ORC1: variants seen among roughly 807,000 people sequenced by gnomAD.
ORC1 encodes the protein origin recognition complex, subunit 1 homolog.
ORC1 carries 61 observed loss-of-function variants against 98.9 expected under a neutral mutation model. The observed-to-expected ratio is 0.62, with a 90% CI of 0.50 to 0.76. The LOEUF is 0.76. ORC1 is among the 30% of genes least tolerant of loss of function. ORC1 has a pLI of 0.00. For synonymous variants in ORC1, 385 were observed against 406.9 expected (o/e 0.95, Z 0.65); for missense variants, 979 against 1,072.2 (o/e 0.91, Z 1.21).
At chr1:52,394,333 C>T (rs183233406) in intron 5 of ORC1, among the ~76,000 whole-genome samples, 33 of 152,300 alleles carry the variant, frequency 2.2e-4, no homozygotes, top group Admixed American at 7.8e-4. Flanking sequence ...GCACCAAGGA[C>T]CCCAGCTGCT....
intron 1 of ORC1, among the ~76,000 whole-genome samples, 199 bp from the exon 2 acceptor site, chr1:52,402,427 A>G (rs1225006671): frequency 6.6e-6 from 1 of 152,258 alleles, no homozygotes. Flanking sequence ...GCAATTTAGT[A>G]TCATCTGTGT....
chr1:52,406,930 T>C (rs1648012691), upstream of ORC1, among the ~76,000 whole-genome samples: 1 of 152,252 alleles, frequency 6.6e-6, no homozygotes, highest in Non-Finnish European at 1.5e-5. Context: ...ATTCTGCTTC[T>C]CGTACAAAGA....
At chr1:52,395,977 A>G (rs1647373500) in intron 5 of ORC1, 69 bp downstream of exon 5, 1 of 1,603,212 alleles carries the variant, frequency 6.2e-7, no homozygotes, top group Non-Finnish European at 8.5e-7. Flanking sequence ...ACTTTCCCAT[A>G]AATTATCATT....
intron 13 of ORC1, among the ~76,000 whole-genome samples, chr1:52,382,588 T>G (rs1647086030): frequency 6.7e-6 from 1 of 149,898 alleles, no homozygotes; most frequent in Non-Finnish European, 1.5e-5. Flanking sequence ...TTTTTTTTTT[T>G]TTTTTTTTGA....
At chr1:52,375,370 T>G (rs1187791727) in intron 15 of ORC1, 60 bp downstream of exon 15, 3 of 1,510,516 alleles carry the variant, frequency 2.0e-6, no homozygotes, top group Non-Finnish European at 2.8e-6. Context: ...AGTAAAAGCT[T>G]AGAAAGGGAA....
chr1:52,377,281 G>T (rs1007197124), intron 14 of ORC1, among the ~76,000 whole-genome samples: 6 of 150,174 alleles, frequency 4.0e-5, no homozygotes, highest in Non-Finnish European at 7.4e-5. Context: ...CTTTTTGTTG[G>T]TTTTTTTGTT....
upstream of ORC1, among the ~76,000 whole-genome samples, chr1:52,407,163 G>A (rs1204471750): frequency 1.3e-5 from 2 of 151,052 alleles, no homozygotes; most frequent in African/African-American, 4.9e-5. Context: ...GACTACAGGC[G>A]CCCACCACTA....
chr1:52,373,367 A>C lies in ORC1; in HGVS notation c.2400T>G (p.Ser800Arg), dbSNP rs1415762544. The change falls in exon 17 of 17, where the codon AGT becomes AGG. Residue 800 changes from serine to arginine, a missense_variant. By Grantham distance (110) the Ser-to-Arg change is moderately radical. Coordinates refer to ENST00000371568, the MANE Select transcript of ORC1 (RefSeq NM_004153.4). ...CCATTCTGCACAGTGCCACATGTTG[A>C]CTATATATCTAGACACAAATAGCAA... ...LEEATFQQIY[S>R]QHVALCRMEG... 6.2e-7 allele frequency: 1 copy of C among 1,613,668 alleles called. No individual in the cohort carries two copies. The highest frequency in any genetic ancestry group is 1.7e-5 in the Admixed American group (1 of 60,032).
upstream of ORC1, among the ~76,000 whole-genome samples, chr1:52,407,411 A>G (rs1569973817): frequency 6.6e-6 from 1 of 152,062 alleles, no homozygotes; most frequent in African/African-American, 2.4e-5. Flanking sequence ...CTTTCAATGC[A>G]TTTCTTGTTT....
intron 14 of ORC1, 106 bp from the exon 15 acceptor site, chr1:52,375,705 C>T: frequency 3.9e-6 from 4 of 1,026,198 alleles, no homozygotes; most frequent in South Asian, 2.6e-5. Context: ...AGTACTTAGC[C>T]CTGGCAGGGA....
At chr1:52,374,023 A>T (rs1646965734) in intron 16 of ORC1, among the ~76,000 whole-genome samples, 1 of 152,222 alleles carries the variant, frequency 6.6e-6, no homozygotes, top group Admixed American at 6.5e-5. Flanking sequence ...CCCAGCCCCA[A>T]GACTGGGAGT....
intron 15 of ORC1, 41 bp downstream of exon 15, chr1:52,375,389 C>G (rs79223694): frequency 1.3e-6 from 2 of 1,594,532 alleles, no homozygotes; most frequent in East Asian, 4.5e-5. Context: ...AAACATGTTT[C>G]TACAGCCTTC....
At chr1:52,391,917 A>T (rs934416000) in intron 6 of ORC1, among the ~76,000 whole-genome samples, 1 of 145,746 alleles carries the variant, frequency 6.9e-6, no homozygotes, top group African/African-American at 2.5e-5. Context: ...AACAAAAGGT[A>T]AAAAAAAAAA....
At chr1:52,383,600 C>T (rs1647102176) in intron 12 of ORC1, 31 bp from the exon 13 acceptor site, 1 of 1,613,060 alleles carries the variant, frequency 6.2e-7, no homozygotes, top group East Asian at 2.2e-5. Flanking sequence ...GGTGCAGAGT[C>T]AATCACAGAG....
At position 52,396,125 on chromosome 1, in the gene ORC1, T is replaced by G. The variant is rs1382088306; in HGVS notation, c.642A>C (p.Ser214=). 1 of 1,614,162 alleles carries G rather than the reference T, an allele frequency of 6.2e-7. No homozygotes were observed. The change falls in exon 5 of 17, where the codon TCA becomes TCC. Residue 214 remains serine (S), a synonymous_variant. Transcript: ENST00000371568. ...PAEHVAKRIE[S]RHSASKSRQT... is the part of the protein sequence containing the mutation. The stretch of plus-strand genomic sequence containing the variant: ...GGCGAGATTTGGAGGCGGAGTGCCT[T>G]GATTCAATCCTTTTGGCCACATGTT...
chr1:52,404,594 A>G, upstream of ORC1: 2 of 682,038 alleles, frequency 2.9e-6, no homozygotes, highest in Admixed American at 3.3e-5. Flanking sequence ...GGGGAGCGGA[A>G]GCCCTTTACA....
intron 14 of ORC1, among the ~76,000 whole-genome samples, chr1:52,378,547 C>G (rs1349556809): frequency 6.6e-6 from 1 of 150,794 alleles, no homozygotes. Flanking sequence ...GCCTGTAGTC[C>G]CAGCTACTCA....
At chr1:52,384,429 A>G in intron 11 of ORC1, 121 bp downstream of exon 11, 1 of 918,644 alleles carries the variant, frequency 1.1e-6, no homozygotes, top group East Asian at 2.4e-5. Flanking sequence ...CTACCTCTAC[A>G]GAAAGGACAA....
Position 52,372,964 on chromosome 1 carries a change from G to T in ORC1, c.*217C>A. On this transcript the variant is annotated 3_prime_UTR_variant, in exon 17 of 17. Coordinates refer to ENST00000371568, the MANE Select transcript of ORC1 (RefSeq NM_004153.4). ...TAGACTAGCTTGGCAACATGGTGAA[G>T]CCCTGTCTCTACAAAAAATCAGCTG... is the stretch of plus-strand genomic sequence containing the variant. 1 of 572,052 alleles carries T rather than the reference G, an allele frequency of 1.7e-6. No individual in the cohort carries two copies. Among genetic ancestry groups the T allele is most frequent in the Non-Finnish European group, 3.2e-6 (1 of 315,144 alleles). 35.4% of individuals were successfully genotyped at this position (572,052 alleles called of 1,614,324 possible). A position where few individuals can be genotyped will look rare whatever the true frequency, so the allele number is the denominator to read the frequency against.
Sources: gnomAD v4.1 joint callset for allele counts (sites outside exome capture counted in the v4.1 genomes callset) on GRCh38, gnomAD v4.1.1 for gene constraint, MANE v1.5 for transcripts, NCBI Gene and HGNC (gene_info 2026-07-23, HGNC 2026-07-21) for gene names.